Variants in TMEM44 observed in about 807,000 individuals in gnomAD.
TMEM44 encodes transmembrane protein 44.
In TMEM44, 43 loss-of-function variants were observed where a neutral mutation model predicts 47.8. That is an observed-to-expected ratio of 0.90 (90% CI 0.70 to 1.16). The LOEUF (loss-of-function observed/expected upper bound fraction) is 1.16, where lower values mean the gene tolerates loss of function less well. TMEM44 is among the 50% of genes most tolerant of loss of function. TMEM44 has a pLI of 0.00. For missense variants in TMEM44, 568 were observed against 555.2 expected, an observed-to-expected ratio of 1.02 and a Z score of -0.23; for synonymous variants, 277 against 238.8, an observed-to-expected ratio of 1.16 and a Z score of -1.48.
At chr3:194,597,712 C>T (rs1713597563) in intron 9 of TMEM44, among the ~76,000 whole-genome samples, 1 of 151,936 alleles carries the variant, frequency 6.6e-6, no homozygotes, top group Admixed American at 6.6e-5. Flanking sequence ...CAGTGAACTT[C>T]AGGCCTTCCA....
At position 194,622,176 on chromosome 3, in the gene TMEM44, C is replaced by T. The variant is rs527280075; in HGVS notation, c.612+1048G>A. On this transcript the variant is annotated intron_variant, in intron 5 of 9. Transcript: ENST00000347147. ...TCTTGCTGTTTCTCAGGCGCTTTCGCACGTGGGGGCTTTTCCTGTGTGCTC... is the reference window on the plus strand; with the variant it reads ...TCTTGCTGTTTCTCAGGCGCTTTCGTACGTGGGGGCTTTTCCTGTGTGCTC... Among the ~76,000 whole-genome samples, 8 of 152,326 alleles carry T rather than the reference C, an allele frequency of 5.3e-5. No individual in the cohort carries two copies. In the East Asian group the frequency reaches 1.2e-3, roughly 22 times the overall value.
chr3:194,609,434 G>A (rs1047419658), intron 8 of TMEM44, among the ~76,000 whole-genome samples: 7 of 152,156 alleles, frequency 4.6e-5, no homozygotes, highest in African/African-American at 1.4e-4. Flanking sequence ...TGTGAGGGTG[G>A]CAGGAAACAC....
intron 9 of TMEM44, chr3:194,589,965 AG>A (rs888729300): frequency 6.6e-6 from 1 of 152,166 alleles, no homozygotes; most frequent in African/African-American, 2.4e-5. Context: ...TGACAGTACT[AG>A]GAAACCCAGG....
chr3:194,604,630 G>GT (rs1714574854), intron 8 of TMEM44, among the ~76,000 whole-genome samples, 185 bp from the exon 9 acceptor site: 1 of 152,228 alleles, frequency 6.6e-6, no homozygotes, highest in Admixed American at 6.5e-5. Flanking sequence ...TGTGTCTTGT[G>GT]TATCCCTCCA....
chr3:194,605,234 TG>T (rs199804489), intron 8 of TMEM44, among the ~76,000 whole-genome samples: 2,222 of 152,332 alleles, frequency 0.015, 52 homozygotes, highest in African/African-American at 0.051. Context: ...CATGGGCTCA[TG>T]GGGACTCCTC....
At chr3:194,617,292 T>TGGGGGG in intron 5 of TMEM44, 23 bp from the exon 6 acceptor site, 6 of 615,572 alleles carry the variant, frequency 9.7e-6, no homozygotes, top group African/African-American at 2.0e-5. Flanking sequence ...AGGGAGGGGC[T>TGGGGGG]GGGCGGGAGA....
At chr3:194,623,422 A>G in intron 4 of TMEM44, 107 bp downstream of exon 4, 1 of 1,506,448 alleles carries the variant, frequency 6.6e-7, no homozygotes, top group Non-Finnish European at 8.9e-7. Flanking sequence ...GGTTCTTCCA[A>G]CAAAGGAAGG....
At chr3:194,590,241 T>G (rs976766154) in intron 9 of TMEM44, 8 of 152,236 alleles carry the variant, frequency 5.3e-5, no homozygotes, top group African/African-American at 1.9e-4. Flanking sequence ...GAGCCCAGTT[T>G]GTTAGTGATT....
Position 194,615,681 on chromosome 3 carries a change from C to T in TMEM44, c.800G>A (p.Cys267Tyr). The part of the protein sequence containing the change: ...ALDLAIIFLS[C>Y]VMKSKMRQAL... ...CTGTCTCATCTTGCTCTTCATCACA[C>T]ACGAAAGGAAAATAATCTGAGATGG... is the stretch of plus-strand genomic sequence containing the variant. The change falls in exon 7 of 10, where the codon TGT becomes TAT. Residue 267 changes from cysteine (C) to tyrosine (Y), a missense_variant. Cys to Tyr is a radical substitution (Grantham distance 194). Coordinates refer to ENST00000347147, the MANE Select transcript of TMEM44 (RefSeq NM_001011655.3). 1 of 1,614,034 alleles carries T rather than the reference C, an allele frequency of 6.2e-7. No individual in the cohort carries two copies. The highest frequency in any genetic ancestry group is 8.5e-7 in the Non-Finnish European group (1 of 1,179,946).
intron 9 of TMEM44, among the ~76,000 whole-genome samples, chr3:194,594,328 T>C (rs1301322983): frequency 3.3e-5 from 5 of 152,028 alleles, no homozygotes; most frequent in African/African-American, 1.2e-4. Flanking sequence ...CATGCCCAGC[T>C]AATTTTGTAT....
At chr3:194,629,206 A>G (rs1451820811) in intron 1 of TMEM44, among the ~76,000 whole-genome samples, 1 of 152,012 alleles carries the variant, frequency 6.6e-6, no homozygotes, top group East Asian at 1.9e-4. Flanking sequence ...ATAACTGCAG[A>G]GCACAGTTAA....
intron 3 of TMEM44, among the ~76,000 whole-genome samples, chr3:194,625,684 G>A (rs1021446439): frequency 3.3e-5 from 5 of 152,186 alleles, no homozygotes; most frequent in African/African-American, 1.2e-4. Flanking sequence ...GTTTCACCAT[G>A]TTGGCCAGGA....
intron 9 of TMEM44, among the ~76,000 whole-genome samples, chr3:194,596,497 A>C (rs1713422294): frequency 6.6e-6 from 1 of 152,122 alleles, no homozygotes. Context: ...TCTGTGTGTA[A>C]GAAGTGACTC....
chr3:194,588,846 A>C (rs189458786), intron 9 of TMEM44, among the ~76,000 whole-genome samples: 2 of 152,156 alleles, frequency 1.3e-5, no homozygotes, highest in African/African-American at 2.4e-5. Context: ...ACTAATGAAC[A>C]ACCACCCTAA....
At position 194,632,722 on chromosome 3, in the gene TMEM44, A is replaced by G. The variant is rs192891689; in HGVS notation, c.137+357T>C. ...ATTCATCGAATCCTCCCATCATCCT[A>G]TGAGGTATTATCTCCGGTCATAGGA... On this transcript the variant is annotated intron_variant, in intron 1 of 9. Coordinates refer to ENST00000347147, the MANE Select transcript of TMEM44 (RefSeq NM_001011655.3). Among the ~76,000 whole-genome samples, 518 of 152,232 alleles carry G rather than the reference A, an allele frequency of 3.4e-3. 1 individual carries two copies. Among genetic ancestry groups the G allele is most frequent in the African/African-American group, 0.012 (489 of 41,530 alleles).
intron 5 of TMEM44, among the ~76,000 whole-genome samples, chr3:194,619,196 C>T (rs1048825696): frequency 6.6e-6 from 1 of 152,248 alleles, no homozygotes; most frequent in African/African-American, 2.4e-5. Flanking sequence ...CACATGCTAA[C>T]CCAGTGACAG....
intron 3 of TMEM44, 119 bp downstream of exon 3, chr3:194,625,778 C>G: frequency 4.4e-6 from 4 of 903,162 alleles, no homozygotes; most frequent in Non-Finnish European, 7.2e-6. Flanking sequence ...CCGCGCCCAG[C>G]CTTTCTCCTT....
chr3:194,622,560 T>G (rs1716670927), intron 5 of TMEM44: 1 of 151,460 alleles, frequency 6.6e-6, no homozygotes, highest in Non-Finnish European at 1.5e-5. Flanking sequence ...TTTTTTTTTT[T>G]TTTTTTTAGA....
chr3:194,625,931 G>A lies in TMEM44; in HGVS notation c.324C>T (p.Phe108=), dbSNP rs780067359. The change falls in exon 3 of 10, where the codon TTC becomes TTT. Residue 108 remains phenylalanine (F), a synonymous_variant. Coordinates refer to ENST00000347147, the MANE Select transcript of TMEM44 (RefSeq NM_001011655.3). The part of the protein sequence containing the change: ...IDLVNFMFIL[F]PVCGSKFKSN... Reference sequence around the variant, plus strand: ...ACTTGAATTTGGATCCACAGACTGGGAAGAGAATGAACATAAAGTTCACTA... The same window carrying A: ...ACTTGAATTTGGATCCACAGACTGGAAAGAGAATGAACATAAAGTTCACTA... 4 of 1,613,770 alleles carry A rather than the reference G, an allele frequency of 2.5e-6. No homozygotes were observed. The African/African-American group carries it at 5.3e-5, about 22-fold the overall frequency.
Sources: allele counts gnomAD v4.1 joint callset (sites outside exome capture counted in the v4.1 genomes callset), GRCh38; gene constraint gnomAD v4.1.1; transcripts MANE v1.5; gene names NCBI Gene and HGNC (gene_info 2026-07-23, HGNC 2026-07-21).